The following PRKN variants were observed in gnomAD, a reference collection of about 807,000 sequenced individuals.
PRKN encodes parkin RBR E3 ubiquitin protein ligase, also known as E3 ubiquitin-protein ligase parkin.
PRKN carries 56 observed loss-of-function variants against 59.5 expected under a neutral mutation model. That is an observed-to-expected ratio of 0.94 (90% CI 0.76 to 1.18). The LOEUF (loss-of-function observed/expected upper bound fraction) is 1.18, where lower values mean the gene tolerates loss of function less well. Among genes scored for constraint, PRKN ranks in the 50% most tolerant of loss-of-function variants. PRKN has a pLI of 0.00. For missense variants in PRKN, 657 were observed against 596.4 expected, an observed-to-expected ratio of 1.10 and a Z score of -1.06; for synonymous variants, 250 against 222.1, an observed-to-expected ratio of 1.13 and a Z score of -1.12.
chr6:162,380,433 G>A (rs12199563), intron 2 of PRKN, among the ~76,000 whole-genome samples: 3 of 121,494 alleles, frequency 2.5e-5, no homozygotes, highest in Non-Finnish European at 3.4e-5. Context: ...ATATATGTGT[G>A]TATATATATA....
At chr6:161,758,839 C>T (rs1209397867) in intron 7 of PRKN, among the ~76,000 whole-genome samples, 3 of 152,120 alleles carry the variant, frequency 2.0e-5, no homozygotes, top group African/African-American at 4.8e-5. Flanking sequence ...CTGTCTCTTC[C>T]GTCCTATACC....
At chr6:162,451,266 G>T (rs1372110655) in intron 1 of PRKN, among the ~76,000 whole-genome samples, 1 of 146,382 alleles carries the variant, frequency 6.8e-6, no homozygotes, top group African/African-American at 2.5e-5. Context: ...CATTCTCGGA[G>T]AAAAGAAAAT....
chr6:162,133,359 G>C lies in PRKN; in HGVS notation c.534+67772C>G, dbSNP rs182067198. On this transcript the variant is annotated intron_variant, in intron 4 of 11. Coordinates refer to ENST00000366898, the MANE Select transcript of PRKN (RefSeq NM_004562.3). ...GGGGGCCTGTATAAGAAAGACAGGA[G>C]TCAGATAGGACTTGAAGATATTTGT... Among the ~76,000 whole-genome samples, 131 of 152,324 alleles carry C rather than the reference G, an allele frequency of 8.6e-4. 1 individual carries two copies. The highest frequency in any genetic ancestry group is 3.0e-3 in the African/African-American group (124 of 41,580).
chr6:161,697,494 A>G (rs1442959008), intron 7 of PRKN, among the ~76,000 whole-genome samples: 3 of 152,142 alleles, frequency 2.0e-5, no homozygotes, highest in Non-Finnish European at 4.4e-5. Flanking sequence ...TCCAAATGTA[A>G]GCTTGCCCTC....
chr6:162,205,363 C>CATTT (rs1784894305), intron 3 of PRKN, among the ~76,000 whole-genome samples: 1 of 152,036 alleles, frequency 6.6e-6, no homozygotes, highest in Admixed American at 6.6e-5. Flanking sequence ...TTACAGTTAT[C>CATTT]ATTTTTCTTT....
At chr6:161,793,547 C>T (rs1790721536) in intron 6 of PRKN, among the ~76,000 whole-genome samples, 1 of 151,570 alleles carries the variant, frequency 6.6e-6, no homozygotes, top group African/African-American at 2.4e-5. Context: ...CAGGCAGTGT[C>T]ATGTCACATC....
Position 162,308,185 on chromosome 6 carries a change from ATCCACGTTTTATT to A in PRKN, c.172-45433_172-45421del, listed in dbSNP as rs374763433. Among the ~76,000 whole-genome samples the A allele has an allele frequency of 4.4e-3, 672 of 152,342 alleles. 7 individuals are homozygous for A. The highest frequency in any genetic ancestry group is 0.01 in the Middle Eastern group (3 of 294). On this transcript the variant is annotated intron_variant, in intron 2 of 11. Transcript: ENST00000366898. ...CTCAGGGTCAGGAAACACCTTTCAA[ATCCACGTTTTATT>A]TCCTGATCGATGAAATGCAGCCACT... is the stretch of plus-strand genomic sequence containing the variant.
chr6:162,533,523 G>A (rs1165448994), intron 1 of PRKN, among the ~76,000 whole-genome samples: 7 of 151,652 alleles, frequency 4.6e-5, no homozygotes, highest in Non-Finnish European at 7.4e-5. Context: ...GTGAGACTCC[G>A]TCTCAAAAAA....
At chr6:161,979,359 G>A (rs1022676257) in intron 5 of PRKN, among the ~76,000 whole-genome samples, 1 of 152,022 alleles carries the variant, frequency 6.6e-6, no homozygotes, top group African/African-American at 2.4e-5. Flanking sequence ...TGCAACCTAC[G>A]CCTCCCAGTT....
At chr6:162,325,026 A>G (rs1783201119) in intron 2 of PRKN, among the ~76,000 whole-genome samples, 1 of 152,162 alleles carries the variant, frequency 6.6e-6, no homozygotes, top group Non-Finnish European at 1.5e-5. Flanking sequence ...AGAACTAAGC[A>G]GAACGAGGAT....
At chr6:161,893,214 C>T (rs530159032) in intron 6 of PRKN, among the ~76,000 whole-genome samples, 8 of 152,256 alleles carry the variant, frequency 5.3e-5, no homozygotes, top group East Asian at 1.9e-4. Context: ...AAATCAAAAG[C>T]GGCTTTTGGT....
In PRKN at chr6:162,503,185, CAG is replaced by C. The variant is rs372835664; in HGVS notation, c.8-59714_8-59713del. Among the ~76,000 whole-genome samples the C allele has an allele frequency of 6.8e-3, 593 of 86,692 alleles. 5 individuals are homozygous for C. Among genetic ancestry groups the C allele is most frequent in the African/African-American group, 0.023 (550 of 23,646 alleles). The allele number at this position is 86,692 out of a possible 152,430, so 56.9% of individuals were successfully genotyped here. A position where few individuals can be genotyped will look rare whatever the true frequency, so the allele number is the denominator to read the frequency against. ...GTTGGCCGGGGGGTGTTTTTTTAGA[CAG>C]AGTCTTGCTCTGTCACCCAGGCTGG... On this transcript the variant is annotated intron_variant, in intron 1 of 11. Transcript: ENST00000366898.
At chr6:161,889,814 A>G (rs897635270) in intron 6 of PRKN, among the ~76,000 whole-genome samples, 2 of 152,166 alleles carry the variant, frequency 1.3e-5, no homozygotes, top group Non-Finnish European at 2.9e-5. Context: ...AAACTGCAGA[A>G]CTCTTCAGAG....
In PRKN at chr6:161,349,069, GGA is replaced by G. The variant is rs886061233; in HGVS notation, c.*1028_*1029del. The G allele has an allele frequency of 1.4e-5, 3 of 219,840 alleles. No individual in the cohort carries two copies. The highest frequency in any genetic ancestry group is 2.7e-5 in the Non-Finnish European group (3 of 109,724). The allele number at this position is 219,840 out of a possible 1,614,324, so 13.6% of individuals were successfully genotyped here. On this transcript the variant is annotated 3_prime_UTR_variant, in exon 12 of 12. Coordinates refer to ENST00000366898, the MANE Select transcript of PRKN (RefSeq NM_004562.3). This position sits in a 1 kb window ranked among gnomAD's most constrained non-coding sequence, Gnocchi z 5.5. ...CCAAAGGGGTATAAACCCTTCTGATGGAGAGAGTCGGGCGTGTCTTCATTTTG... is the reference window on the plus strand; with the variant it reads ...CCAAAGGGGTATAAACCCTTCTGATGGAGAGTCGGGCGTGTCTTCATTTTG...
chr6:161,408,339 C>A (rs1787372967), intron 9 of PRKN, among the ~76,000 whole-genome samples: 1 of 149,400 alleles, frequency 6.7e-6, no homozygotes. Flanking sequence ...AAAAAAAAGC[C>A]CATCAGCATA....
intron 3 of PRKN, among the ~76,000 whole-genome samples, chr6:162,256,934 C>T (rs1170566738): frequency 6.6e-6 from 1 of 152,200 alleles, no homozygotes; most frequent in Non-Finnish European, 1.5e-5. Context: ...ACCTACTCTC[C>T]CCCACAGTTA....
intron 2 of PRKN, among the ~76,000 whole-genome samples, chr6:162,429,099 GT>G (rs1789382204): frequency 6.6e-6 from 1 of 152,052 alleles, no homozygotes; most frequent in Non-Finnish European, 1.5e-5. Context: ...ATTGTATTTG[GT>G]TGCATGTACC....
chr6:162,247,565 A>G (rs947178481), intron 3 of PRKN, among the ~76,000 whole-genome samples: 16 of 152,182 alleles, frequency 1.1e-4, no homozygotes, highest in Non-Finnish European at 2.1e-4. Context: ...CATAAAACCT[A>G]TATTTCCAAT....
At chr6:161,739,207 AG>A (rs1391633998) in intron 7 of PRKN, among the ~76,000 whole-genome samples, 1 of 152,140 alleles carries the variant, frequency 6.6e-6, no homozygotes, top group Non-Finnish European at 1.5e-5. Flanking sequence ...CAGGAGTTCA[AG>A]ACCAGTCTGG....
Sources: gnomAD v4.1 joint callset for allele counts (sites outside exome capture counted in the v4.1 genomes callset) on GRCh38, gnomAD v4.1.1 for gene constraint, Gnocchi (gnomAD v3.1) non-coding constraint, MANE v1.5 for transcripts, NCBI Gene and HGNC (gene_info 2026-07-23, HGNC 2026-07-21) for gene names.